Variants in ADGRD2 observed in about 807,000 individuals in gnomAD.
The protein encoded by ADGRD2 is G protein-coupled receptor PGR24.
A neutral mutation model predicts 44.4 loss-of-function variants in ADGRD2; 71 were observed. The ratio of observed to expected loss-of-function variants is 1.60; its 90% CI spans 1.32 to 1.95. The LOEUF is 1.95. Ranked by LOEUF, ADGRD2 falls within the 30% of genes most tolerant of loss-of-function variation. The pLI is 0.00. For synonymous variants in ADGRD2, 481 were observed against 224.8 expected, an observed-to-expected ratio of 2.14 and a Z score of -10.19; for missense variants, 1,039 against 512.4, an observed-to-expected ratio of 2.03 and a Z score of -9.92.
chr9:124,475,797 C>A (rs994378359), intron 19 of ADGRD2, among the ~76,000 whole-genome samples, 182 bp downstream of exon 22: 1 of 152,188 alleles, frequency 6.6e-6, no homozygotes, highest in Non-Finnish European at 1.5e-5. Context: ...CCCGGAGACA[C>A]GTGGCTCTCA....
chr9:124,462,646 AT>A (rs35788446), intron 10 of ADGRD2, among the ~76,000 whole-genome samples: 108,699 of 151,942 alleles, frequency 0.72, 40,063 homozygotes, highest in African/African-American at 0.9. Flanking sequence ...TAAGTATTAC[AT>A]AAGTTTTGGA....
intron 8 of ADGRD2, 32 bp from the exon 12 acceptor site, chr9:124,458,081 G>C (rs1466080675): frequency 1.4e-6 from 1 of 718,056 alleles, no homozygotes; most frequent in Non-Finnish European, 2.6e-6. Flanking sequence ...CAGCCACCGG[G>C]TGGTGCCTTG....
At chr9:124,456,229 G>A (rs533649245) in intron 6 of ADGRD2, among the ~76,000 whole-genome samples, 40 of 152,332 alleles carry the variant, frequency 2.6e-4, no homozygotes, top group Middle Eastern at 3.4e-3. Context: ...CCCCATGAAT[G>A]CAGGTTCCTC....
In ADGRD2 at chr9:124,454,444, G is replaced by T. The variant is rs943957217; in HGVS notation, c.1023-40G>T. ...AACAGGCTGGCATCTCTGGGCAGGGGTATTGCCCGGGGCCTAGCCTGGCAT... is the reference window on the plus strand; with the variant it reads ...AACAGGCTGGCATCTCTGGGCAGGGTTATTGCCCGGGGCCTAGCCTGGCAT... On this transcript the variant is annotated intron_variant, in intron 4 of 21. Transcript: ENST00000334810. This position sits in a 1 kb window ranked among gnomAD's most constrained non-coding sequence, Gnocchi z 4.5. The T allele has an allele frequency of 1.4e-6, 1 of 695,160 alleles. No homozygotes were observed. The highest frequency in any genetic ancestry group is 2.0e-5 in the Admixed American group (1 of 49,530). The allele number at this position is 695,160 out of a possible 1,614,324, so 43.1% of individuals were successfully genotyped here. A position where few individuals can be genotyped will look rare whatever the true frequency, so the allele number is the denominator to read the frequency against.
chr9:124,451,420 A>T, upstream of ADGRD2: 1 of 358,962 alleles, frequency 2.8e-6, no homozygotes, highest in Non-Finnish European at 5.5e-6. Flanking sequence ...GCTCCTGGAG[A>T]CCATCTTTTG....
intron 19 of ADGRD2, among the ~76,000 whole-genome samples, 196 bp from the exon 23 acceptor site, chr9:124,476,161 A>G (rs540123725): frequency 1.3e-5 from 2 of 152,240 alleles, no homozygotes; most frequent in East Asian, 3.9e-4. Context: ...AGGGGTTCCA[A>G]TCCTAGCTCC....
At chr9:124,475,717 T>C in intron 19 of ADGRD2, 102 bp downstream of exon 22, 1 of 559,124 alleles carries the variant, frequency 1.8e-6, no homozygotes, top group Admixed American at 3.5e-5. Context: ...CCCTGCCAGC[T>C]GGGGGACCAG....
chr9:124,463,916 C>T (rs534651295), intron 10 of ADGRD2, among the ~76,000 whole-genome samples: 5 of 152,284 alleles, frequency 3.3e-5, no homozygotes, highest in South Asian at 2.1e-4. Context: ...CAGCTCACTG[C>T]GGCCTCGACC....
exon 22 of ADGRD2, chr9:124,478,489 C>G (rs1832089501): frequency 6.6e-6 from 1 of 152,618 alleles, no homozygotes; most frequent in Non-Finnish European, 1.5e-5. Context: ...CTCTTTCCCC[C>G]AGTCTTTGCC....
chr9:124,465,268 C>T (rs1410239375), intron 10 of ADGRD2: 1 of 152,886 alleles, frequency 6.5e-6, no homozygotes, highest in Non-Finnish European at 1.5e-5. Flanking sequence ...TCTCTGTCTC[C>T]TGCCTCCAGA....
intron 10 of ADGRD2, among the ~76,000 whole-genome samples, chr9:124,461,966 C>T (rs777380243): frequency 1.5e-4 from 23 of 152,054 alleles, no homozygotes; most frequent in Non-Finnish European, 2.9e-5. Context: ...AGGCTGGTCT[C>T]GAACTCCTGA....
Position 124,454,481 on chromosome 9 carries a change from C to T in ADGRD2, c.1023-3C>T. On this transcript the variant is annotated splice_region_variant and splice_polypyrimidine_tract_variant and intron_variant, in intron 4 of 21. Transcript: ENST00000334810. The surrounding 1 kb of genome is among the most constrained non-coding windows in gnomAD (Gnocchi z 4.5). ...GCCTAGCCTGGCATCCACTCCTTTG[C>T]AGAGCCCTATCGTCGGCTGCAGGAT... The T allele has an allele frequency of 1.4e-6, 1 of 713,156 alleles. No individual in the cohort carries two copies. Among genetic ancestry groups the T allele is most frequent in the Non-Finnish European group, 2.6e-6 (1 of 380,946 alleles). 44.2% of individuals were successfully genotyped at this position (713,156 alleles called of 1,614,324 possible).
At chr9:124,463,302 G>GT (rs769263224) in intron 10 of ADGRD2, among the ~76,000 whole-genome samples, 1 of 152,148 alleles carries the variant, frequency 6.6e-6, no homozygotes, top group Admixed American at 6.6e-5. Flanking sequence ...ATTTTCAAGT[G>GT]TTAAACCAAC....
intron 2 of ADGRD2, 46 bp from the exon 6 acceptor site, chr9:124,452,989 G>C: frequency 1.6e-6 from 1 of 624,286 alleles, no homozygotes; most frequent in Non-Finnish European, 2.9e-6. Flanking sequence ...GCAGGACCAT[G>C]TGCACAGGTG....
At chr9:124,471,122 G>A (rs1831938847) in intron 17 of ADGRD2, among the ~76,000 whole-genome samples, 1 of 152,192 alleles carries the variant, frequency 6.6e-6, no homozygotes, top group Admixed American at 6.5e-5. Context: ...GAACCACAGG[G>A]AGAGGGCCAA....
chr9:124,467,623 A>T (rs888370878), intron 11 of ADGRD2, 98 bp from the exon 15 acceptor site: 6 of 677,770 alleles, frequency 8.9e-6, no homozygotes, highest in Non-Finnish European at 1.6e-5. Context: ...GTGGAGGCGA[A>T]TGCGGCGTGG....
At chr9:124,472,720 T>C (rs747373488) in intron 17 of ADGRD2, among the ~76,000 whole-genome samples, 2 of 152,208 alleles carry the variant, frequency 1.3e-5, no homozygotes, top group East Asian at 1.9e-4. Flanking sequence ...GTTGCCCAGG[T>C]TGGTCTTGAA....
chr9:124,467,684 G>A (rs1831851246), intron 11 of ADGRD2, 37 bp from the exon 15 acceptor site: 2 of 717,172 alleles, frequency 2.8e-6, no homozygotes, highest in African/African-American at 1.7e-5. Flanking sequence ...GTTGGGTCTG[G>A]GTGGTGCCAG....
chr9:124,472,652 A>G (rs1029566500), intron 17 of ADGRD2, among the ~76,000 whole-genome samples: 2 of 152,048 alleles, frequency 1.3e-5, no homozygotes, highest in East Asian at 3.9e-4. Context: ...GATTACAGGC[A>G]CCTGCCACCA....
Sources: allele counts gnomAD v4.1 joint callset (sites outside exome capture counted in the v4.1 genomes callset), GRCh38; gene constraint gnomAD v4.1.1; non-coding constraint Gnocchi (gnomAD v3.1); transcripts MANE v1.5; gene names NCBI Gene and HGNC (gene_info 2026-07-23, HGNC 2026-07-21).